Variants in MAGI2 observed in about 807,000 individuals in gnomAD.
The protein encoded by MAGI2 is membrane associated guanylate kinase, WW and PDZ domain containing 2, also known as membrane-associated guanylate kinase, WW and PDZ domain-containing protein 2.
A neutral mutation model predicts 133.3 loss-of-function variants in MAGI2; 35 were observed. The ratio of observed to expected loss-of-function variants is 0.26; its 90% CI spans 0.20 to 0.35. The LOEUF (loss-of-function observed/expected upper bound fraction) is 0.35. MAGI2 is among the 10% of genes least tolerant of loss of function. MAGI2 has a pLI of 1.00. For synonymous variants in MAGI2, 729 were observed against 710.6 expected (o/e 1.03, Z -0.41); for missense variants, 1,636 against 1,863.4 (o/e 0.88, Z 2.25).
At position 78,019,968 on chromosome 7, in the gene MAGI2, C is replaced by T; in HGVS notation, c.3715G>A (p.Ala1239Thr). Residue 1239 changes from alanine (A) to threonine (T), a missense_variant, in exon 22 of 22, where the codon GCC (alanine) becomes ACC (threonine). By Grantham distance (58) the Ala-to-Thr change is moderately conservative. Transcript: ENST00000354212. ...GCGGCAGCGGGAGAACTCCAGGGGG[C>T]GGGTTCGTCTGTGGACGGGAAGCAC... ...TGQVPEYDEP[A>T]PWSSPAAAAP... 1 of 1,604,318 alleles carries T rather than the reference C, an allele frequency of 6.2e-7. No homozygotes were observed. The highest frequency in any genetic ancestry group is 8.5e-7 in the Non-Finnish European group (1 of 1,176,722).
At chr7:78,778,904 C>CTT (rs71085566) in intron 2 of MAGI2, among the ~76,000 whole-genome samples, 109 of 118,440 alleles carry the variant, frequency 9.2e-4, no homozygotes, top group Middle Eastern at 4.2e-3. Flanking sequence ...CCTTTTCAGC[C>CTT]TTTTTTTTTT....
intron 2 of MAGI2, among the ~76,000 whole-genome samples, chr7:78,981,687 T>C (rs1200776087): frequency 6.6e-6 from 1 of 151,890 alleles, no homozygotes; most frequent in Admixed American, 6.6e-5. Flanking sequence ...AAATTTTTCT[T>C]TTTCCCATGT....
At chr7:78,499,805 C>T (rs957017017) in intron 5 of MAGI2, among the ~76,000 whole-genome samples, 5 of 152,296 alleles carry the variant, frequency 3.3e-5, no homozygotes, top group African/African-American at 1.2e-4. Flanking sequence ...TTATTCCGAA[C>T]ATCAATTGTT....
At chr7:79,025,328 A>G (rs987259816) in intron 1 of MAGI2, among the ~76,000 whole-genome samples, 4 of 152,168 alleles carry the variant, frequency 2.6e-5, no homozygotes, top group African/African-American at 9.7e-5. Context: ...AGAAGGGAAC[A>G]ACACACATTG....
intron 9 of MAGI2, among the ~76,000 whole-genome samples, chr7:78,278,913 A>G (rs1795297368): frequency 6.6e-6 from 1 of 152,194 alleles, no homozygotes; most frequent in African/African-American, 2.4e-5. Context: ...CTCAAATTTT[A>G]CTGAAAAGAG....
At chr7:79,359,669 AACACACACACACACACACACACAC>A (rs59414419) in intron 1 of MAGI2, among the ~76,000 whole-genome samples, 6 of 140,030 alleles carry the variant, frequency 4.3e-5, no homozygotes, top group African/African-American at 1.6e-4. Context: ...TCAAGTGGGA[AACACACACACACACACACACACAC>A]ACACACACAC....
At chr7:78,631,418 C>T (rs1296640300) in intron 2 of MAGI2, among the ~76,000 whole-genome samples, 1 of 152,170 alleles carries the variant, frequency 6.6e-6, no homozygotes, top group Non-Finnish European at 1.5e-5. Context: ...GTGCCTGCCT[C>T]CTTCTTTCAG....
intron 1 of MAGI2, among the ~76,000 whole-genome samples, chr7:79,188,663 G>A (rs954270878): frequency 6.6e-6 from 1 of 151,700 alleles, no homozygotes; most frequent in Admixed American, 6.6e-5. Context: ...CACTTTCAAA[G>A]CTAAAAAGCG....
intron 10 of MAGI2, 166 bp downstream of exon 10, chr7:78,255,774 TCAA>T: frequency 4.2e-6 from 3 of 713,068 alleles, no homozygotes; most frequent in Non-Finnish European, 7.1e-6. Flanking sequence ...TATTCTGAAT[TCAA>T]AAACAAAGTT....
Position 79,174,528 on chromosome 7 carries a change from C to A in MAGI2, c.302-167322G>T, listed in dbSNP as rs890517859. 1.7e-4 allele frequency among the ~76,000 whole-genome samples: 26 copies of A among 151,662 alleles called. 2 individuals carry two copies. Among genetic ancestry groups the A allele is most frequent in the Non-Finnish European group, 8.8e-5 (6 of 67,928 alleles). ...CTTTAATGTATTAAAGAAACGTATA[C>A]CCTTCATGTGTAAAGAGAACTTGGC... On this transcript the variant is annotated intron_variant, in intron 1 of 21. Coordinates refer to ENST00000354212, the MANE Select transcript of MAGI2 (RefSeq NM_012301.4).
At chr7:78,626,211 T>C (rs1267627881) in intron 3 of MAGI2, among the ~76,000 whole-genome samples, 3 of 152,206 alleles carry the variant, frequency 2.0e-5, no homozygotes, top group Admixed American at 2.0e-4. Flanking sequence ...ACATATACTT[T>C]GTAACTGTGA....
At chr7:79,270,201 C>A (rs917674627) in intron 1 of MAGI2, among the ~76,000 whole-genome samples, 1 of 152,074 alleles carries the variant, frequency 6.6e-6, no homozygotes, top group African/African-American at 2.4e-5. Context: ...CAGCTCCCTG[C>A]CCACCAATTT....
intron 1 of MAGI2, among the ~76,000 whole-genome samples, chr7:79,443,285 C>T (rs140136050): frequency 0.03 from 4,219 of 139,136 alleles, 165 homozygotes; most frequent in African/African-American, 0.095. Context: ...TGTGTGTGTG[C>T]GTGTGTGTGT....
At chr7:78,267,125 A>G (rs1794099485) in intron 9 of MAGI2, among the ~76,000 whole-genome samples, 1 of 152,140 alleles carries the variant, frequency 6.6e-6, no homozygotes, top group Non-Finnish European at 1.5e-5. Context: ...GCCAGTCAAC[A>G]TGCCTTAACT....
At chr7:78,555,207 TAGATAGATAGATAGA>T (rs1799707540) in intron 3 of MAGI2, among the ~76,000 whole-genome samples, 1 of 118,336 alleles carries the variant, frequency 8.5e-6, no homozygotes, top group African/African-American at 3.6e-5. Flanking sequence ...GATGGATAGA[TAGATAGATAGATAGA>T]CAGATAGATA....
chr7:78,405,736 A>T (rs1397097828), intron 6 of MAGI2, among the ~76,000 whole-genome samples: 1 of 152,080 alleles, frequency 6.6e-6, no homozygotes, highest in African/African-American at 2.4e-5. Flanking sequence ...TCACAAACTC[A>T]TATTTTTACA....
intron 2 of MAGI2, among the ~76,000 whole-genome samples, chr7:78,845,470 G>C (rs1792510693): frequency 6.6e-6 from 1 of 151,816 alleles, no homozygotes; most frequent in Non-Finnish European, 1.5e-5. Flanking sequence ...GAAGGCCTTG[G>C]ATGATACGAA....
intron 10 of MAGI2, chr7:78,253,020 A>C (rs1294816039): frequency 1.3e-5 from 2 of 151,974 alleles, no homozygotes; most frequent in Admixed American, 6.6e-5. Flanking sequence ...TCTACTTCTT[A>C]ACAATTTAAA....
At chr7:79,201,257 CTT>C (rs1828586675) in intron 1 of MAGI2, among the ~76,000 whole-genome samples, 1 of 152,044 alleles carries the variant, frequency 6.6e-6, no homozygotes, top group African/African-American at 2.4e-5. Flanking sequence ...CAAAAATAGA[CTT>C]TGCTTACTTC....
Sources: gnomAD v4.1 joint callset for allele counts (sites outside exome capture counted in the v4.1 genomes callset) on GRCh38, gnomAD v4.1.1 for gene constraint, MANE v1.5 for transcripts, NCBI Gene and HGNC (gene_info 2026-07-23, HGNC 2026-07-21) for gene names.